RUSF1: variants seen among roughly 807,000 people sequenced by gnomAD.
RUSF1 encodes RUS family member 1.
A neutral mutation model predicts 63.0 loss-of-function variants in RUSF1; 58 were observed. The observed-to-expected ratio is 0.92, with a 90% CI of 0.75 to 1.15. The LOEUF is 1.15. Ranked by LOEUF, RUSF1 falls within the 50% of genes most tolerant of loss-of-function variation. The pLI, the probability that RUSF1 is intolerant of heterozygous loss-of-function variation, is 0.00. For missense variants in RUSF1, 652 were observed against 611.0 expected (o/e 1.07, Z -0.71); for synonymous variants, 274 against 255.8 (o/e 1.07, Z -0.68).
intron 12 of RUSF1, 56 bp from the exon 13 acceptor site, chr16:31,490,988 G>A (rs1170030350): frequency 2.6e-6 from 4 of 1,554,744 alleles, no homozygotes; most frequent in African/African-American, 2.7e-5. Context: ...GTAAGGAGAG[G>A]CACAGGCTGG....
chr16:31,493,307 C>G (rs1190247991), intron 9 of RUSF1, 160 bp downstream of exon 9: 1 of 1,025,784 alleles, frequency 9.7e-7, no homozygotes, highest in Non-Finnish European at 1.5e-6. Context: ...GTTATACACC[C>G]TTTCCTTCCT....
Position 31,508,084 on chromosome 16 carries a change from T to A in RUSF1, c.290A>T (p.Asp97Val). 2 of 1,604,070 alleles carry A rather than the reference T, an allele frequency of 1.2e-6. No homozygotes were observed. The highest frequency in any genetic ancestry group is 2.7e-5 in the African/African-American group (2 of 74,642). ...SPDYLPYQLWDSVQAFASSLS... is the reference protein window; with the variant it reads ...SPDYLPYQLWVSVQAFASSLS... Reference sequence around the variant, plus strand: ...GACGACCGAGCTGACCTGCACGGAATCCCACAGCTGGTAGGGCAAGTAGTC... The same window carrying A: ...GACGACCGAGCTGACCTGCACGGAAACCCACAGCTGGTAGGGCAAGTAGTC... The change falls in exon 1 of 13, where the codon GAT (aspartate) becomes GTT (valine). Residue 97 changes from aspartate to valine, a missense_variant. By Grantham distance (152) the Asp-to-Val change is radical. Coordinates refer to ENST00000327237, the MANE Select transcript of RUSF1 (RefSeq NM_022744.4).
At position 31,490,425 on chromosome 16, in the gene RUSF1, G is replaced by A; in HGVS notation, c.*410C>T. 1 of 1,613,770 alleles carries A rather than the reference G, an allele frequency of 6.2e-7. No individual in the cohort carries two copies. The highest frequency in any genetic ancestry group is 8.5e-7 in the Non-Finnish European group (1 of 1,179,950). ...TACCCAGGAGGAGGCAGCGGCAGCA[G>A]CCAGGCGGCTGGAGGACATCAGCGA... On this transcript the variant is annotated 3_prime_UTR_variant, in exon 13 of 13. Transcript: ENST00000327237.
chr16:31,499,569 A>G (rs374029286), intron 3 of RUSF1, 44 bp from the exon 4 acceptor site: 37 of 1,561,576 alleles, frequency 2.4e-5, no homozygotes, highest in Non-Finnish European at 3.2e-5. Flanking sequence ...TTAAGGAGAA[A>G]CACATCCTAT....
intron 3 of RUSF1, 126 bp downstream of exon 3, chr16:31,500,560 T>C: frequency 4.0e-6 from 5 of 1,244,022 alleles, no homozygotes; most frequent in Non-Finnish European, 5.6e-6. Flanking sequence ...GCCACGGGCA[T>C]TAAGCACTTT....
chr16:31,491,119 G>T (rs1365650387), intron 12 of RUSF1, among the ~76,000 whole-genome samples, 187 bp from the exon 13 acceptor site: 1 of 152,142 alleles, frequency 6.6e-6, no homozygotes, highest in Admixed American at 6.5e-5. Context: ...ACAGAAGAGC[G>T]CTGGGATGGA....
At chr16:31,502,581 G>A (rs2142658450) in intron 2 of RUSF1, among the ~76,000 whole-genome samples, 1 of 152,282 alleles carries the variant, frequency 6.6e-6, no homozygotes, top group East Asian at 1.9e-4. Flanking sequence ...CCTCTCTCAC[G>A]GCCAGCATCA....
At chr16:31,502,896 T>C (rs535754262) in intron 2 of RUSF1, among the ~76,000 whole-genome samples, 7 of 152,348 alleles carry the variant, frequency 4.6e-5, no homozygotes, top group Admixed American at 3.3e-4. Flanking sequence ...TTCCGAAGTG[T>C]TGGGATTATA....
chr16:31,494,265 A>G lies in RUSF1; in HGVS notation c.703-329T>C, dbSNP rs368960020. Among the ~76,000 whole-genome samples, 5 of 152,218 alleles carry G rather than the reference A, an allele frequency of 3.3e-5. No homozygotes were observed. In the East Asian group the frequency reaches 9.7e-4, roughly 29 times the overall value. On this transcript the variant is annotated intron_variant, in intron 6 of 12. Coordinates refer to ENST00000327237, the MANE Select transcript of RUSF1 (RefSeq NM_022744.4). ...GTGGGGCATAGTGGCTCGCGCCTGT[A>G]ATCCTAGCAATCTGGGAGGCCGAGG...
chr16:31,490,820 C>A lies in RUSF1; in HGVS notation c.*15G>T, dbSNP rs2082561003. ...CCAGGTTCCTGCCCTGGGCTTGGGC[C>A]TCCGTCTGGGCTGCTCACAAGACCT... On this transcript the variant is annotated 3_prime_UTR_variant, in exon 13 of 13. Coordinates refer to ENST00000327237, the MANE Select transcript of RUSF1 (RefSeq NM_022744.4). 6.2e-7 allele frequency: 1 copy of A among 1,613,708 alleles called. No individual in the cohort carries two copies.
At chr16:31,497,350 G>A (rs922250767) in intron 5 of RUSF1, among the ~76,000 whole-genome samples, 3 of 151,998 alleles carry the variant, frequency 2.0e-5, no homozygotes, top group South Asian at 2.1e-4. Context: ...CCCAGTTAAA[G>A]CTGTCGAAAC....
intron 2 of RUSF1, among the ~76,000 whole-genome samples, chr16:31,502,401 A>C (rs1365828626): frequency 5.3e-5 from 8 of 152,180 alleles, no homozygotes; most frequent in Admixed American, 5.2e-4. Context: ...TGCACACCTG[A>C]AATACCTGTG....
intron 2 of RUSF1, among the ~76,000 whole-genome samples, chr16:31,505,394 G>A (rs1380146484): frequency 6.6e-6 from 1 of 152,108 alleles, no homozygotes; most frequent in Non-Finnish European, 1.5e-5. Flanking sequence ...GACCAGTGCT[G>A]GTGCTGGTCC....
rs78029797 is a variant in RUSF1 at position 31,503,265 on chromosome 16, A to G, written c.416-2534T>C. 6.5e-3 allele frequency among the ~76,000 whole-genome samples: 983 copies of G among 152,326 alleles called. 15 individuals are homozygous for G. Among genetic ancestry groups the G allele is most frequent in the African/African-American group, 0.023 (943 of 41,564 alleles). On this transcript the variant is annotated intron_variant, in intron 2 of 12. Transcript: ENST00000327237. ...GCAAAAGAGTGTGGTAGTTAAGAGT[A>G]GAACACAGGAATAAGTCTGCCTAGG...
intron 5 of RUSF1, 116 bp from the exon 6 acceptor site, chr16:31,497,066 T>C: frequency 1.3e-6 from 1 of 788,812 alleles, no homozygotes; most frequent in Non-Finnish European, 2.0e-6. Flanking sequence ...GTCCTTGGCA[T>C]CTAGTTCTCA....
At chr16:31,507,736 T>C in intron 2 of RUSF1, 28 bp downstream of exon 2, 4 of 1,546,312 alleles carry the variant, frequency 2.6e-6, no homozygotes, top group Non-Finnish European at 3.5e-6. Context: ...AAAGCAGCAA[T>C]ACGTGAGGCT....
At chr16:31,498,431 G>A (rs1186742252) in intron 5 of RUSF1, among the ~76,000 whole-genome samples, 1 of 152,186 alleles carries the variant, frequency 6.6e-6, no homozygotes, top group Non-Finnish European at 1.5e-5. Flanking sequence ...ACAAGGAACC[G>A]TTGCACCCCA....
Position 31,493,466 on chromosome 16 carries a change from C to A in RUSF1, c.1016+1G>T, listed in dbSNP as rs1175335335. ...CGAGCGGGAGACGCTAGGCCACTCA[C>A]CTGGAGACCAAGCGGTGTAAGGGGA... On this transcript the variant is annotated splice_donor_variant, in intron 9 of 12. Transcript: ENST00000327237. LOFTEE classifies it high-confidence loss of function. 6.2e-7 allele frequency: 1 copy of A among 1,602,192 alleles called. No homozygotes were observed. The highest frequency in any genetic ancestry group is 8.5e-7 in the Non-Finnish European group (1 of 1,174,374).
At position 31,499,544 on chromosome 16, in the gene RUSF1, T is replaced by C. The variant is rs1183873231; in HGVS notation, c.462-19A>G. 3 of 1,592,718 alleles carry C rather than the reference T, an allele frequency of 1.9e-6. No individual in the cohort carries two copies. In the African/African-American group the frequency reaches 4.0e-5, roughly 21 times the overall value. Reference sequence around the variant, plus strand: ...TTTGCTCCTGTTGGGGAGGAGAGGTTGTTGTAATTTGGACTTAAGGAGAAA... The same window carrying C: ...TTTGCTCCTGTTGGGGAGGAGAGGTCGTTGTAATTTGGACTTAAGGAGAAA... On this transcript the variant is annotated intron_variant, in intron 3 of 12. Coordinates refer to ENST00000327237, the MANE Select transcript of RUSF1 (RefSeq NM_022744.4).
Sources: gnomAD v4.1 joint callset for allele counts (sites outside exome capture counted in the v4.1 genomes callset) on GRCh38, gnomAD v4.1.1 for gene constraint, MANE v1.5 for transcripts, NCBI Gene and HGNC (gene_info 2026-07-23, HGNC 2026-07-21) for gene names.